The following RREB1 variants were observed in gnomAD, a reference collection of about 807,000 sequenced individuals.
RREB1 encodes the protein ras responsive element binding protein 1.
RREB1 carries 27 observed loss-of-function variants against 117.8 expected under a neutral mutation model. The ratio of observed to expected loss-of-function variants is 0.23; its 90% CI spans 0.17 to 0.32. The LOEUF is 0.32. Among genes scored for constraint, RREB1 ranks in the 10% least tolerant of loss-of-function variants. RREB1 has a pLI of 1.00. For synonymous variants in RREB1, 1,298 were observed against 1,026.7 expected, an observed-to-expected ratio of 1.26 and a Z score of -5.05; for missense variants, 2,577 against 2,378.2, an observed-to-expected ratio of 1.08 and a Z score of -1.74.
At chr6:7,142,213 C>T (rs1466561834) in intron 1 of RREB1, among the ~76,000 whole-genome samples, 1 of 139,704 alleles carries the variant, frequency 7.2e-6, no homozygotes, top group Non-Finnish European at 1.5e-5. Flanking sequence ...GAAACTCCGT[C>T]TTAATTTAAA....
At chr6:7,242,281 C>T (rs1000197276) in intron 11 of RREB1, among the ~76,000 whole-genome samples, 4 of 152,140 alleles carry the variant, frequency 2.6e-5, no homozygotes, top group Admixed American at 1.3e-4. Context: ...AAAGCTGAGT[C>T]GGAATTTGTG....
chr6:7,151,477 G>A (rs1763119922), intron 1 of RREB1, among the ~76,000 whole-genome samples: 1 of 152,192 alleles, frequency 6.6e-6, no homozygotes, highest in Non-Finnish European at 1.5e-5. Flanking sequence ...TGGAGTCCAC[G>A]CAGAACAGGG....
chr6:7,217,924 CT>C (rs1767002963), intron 8 of RREB1: 2 of 152,144 alleles, frequency 1.3e-5, no homozygotes, highest in Admixed American at 1.3e-4. Context: ...GTCCTTTACT[CT>C]TATAAACAGC....
rs567423250 is a variant in RREB1, at chr6:7,246,866, C to T, written c.4416C>T (p.Arg1472=). The change falls in exon 12 of 13, where the codon CGC becomes CGT. Residue 1472 remains arginine, a synonymous_variant. Transcript: ENST00000379938. ...TLSRHRKAHG[R]QEPKDEKGDG... Reference sequence around the variant, plus strand: ...GCCGCCACCGGAAGGCGCACGGCCGCCAGGAGCCCAAGGACGAGAAGGGAG... The same window carrying T: ...GCCGCCACCGGAAGGCGCACGGCCGTCAGGAGCCCAAGGACGAGAAGGGAG... The T allele has an allele frequency of 3.2e-6, 5 of 1,552,808 alleles. No individual in the cohort carries two copies. In the Admixed American group the frequency reaches 7.8e-5, roughly 24 times the overall value.
At chr6:7,190,088 G>A (rs1233055251) in intron 6 of RREB1, among the ~76,000 whole-genome samples, 1 of 152,122 alleles carries the variant, frequency 6.6e-6, no homozygotes, top group African/African-American at 2.4e-5. Context: ...AGTTATATTT[G>A]GTTATATAAA....
chr6:7,249,089 GAGAGAGAGAGAGAGAC>G lies in RREB1; in HGVS notation c.*123_*138del. ...AGAGAGAGAGAGAGAGAGAGAGAGA[GAGAGAGAGAGAGAGAC>G]AAGCAGGAGCGTGGCTGCTCGCTCA... On this transcript the variant is annotated 3_prime_UTR_variant, in exon 13 of 13. Coordinates refer to ENST00000379938, the MANE Select transcript of RREB1 (RefSeq NM_001003699.4). The G allele has an allele frequency of 1.3e-6, 1 of 788,388 alleles. No individual in the cohort carries two copies. Among genetic ancestry groups the G allele is most frequent in the Non-Finnish European group, 1.9e-6 (1 of 517,998 alleles). 48.8% of individuals were successfully genotyped at this position (788,388 alleles called of 1,614,324 possible).
chr6:7,205,460 C>T (rs1007296797), intron 6 of RREB1, among the ~76,000 whole-genome samples: 13 of 152,234 alleles, frequency 8.5e-5, no homozygotes, highest in Non-Finnish European at 1.6e-4. Context: ...AAATGTGTCA[C>T]TGCTCAGAGA....
At chr6:7,173,504 G>GAAA (rs796789297) in intron 1 of RREB1, among the ~76,000 whole-genome samples, 1 of 120,254 alleles carries the variant, frequency 8.3e-6, no homozygotes. Context: ...AAAACATGAA[G>GAAA]AAAAAAAAAA....
At chr6:7,141,299 C>T (rs1762575965) in intron 1 of RREB1, among the ~76,000 whole-genome samples, 1 of 152,212 alleles carries the variant, frequency 6.6e-6, no homozygotes, top group African/African-American at 2.4e-5. Context: ...CCGCGTCTTC[C>T]AGCGGATCTT....
At chr6:7,208,072 C>A (rs1399372294) in intron 6 of RREB1, among the ~76,000 whole-genome samples, 1 of 152,186 alleles carries the variant, frequency 6.6e-6, no homozygotes, top group Non-Finnish European at 1.5e-5. Context: ...TCATGGGCTC[C>A]TTGTCATTTA....
At chr6:7,187,968 C>T (rs1412201700) in intron 5 of RREB1, among the ~76,000 whole-genome samples, 1 of 151,936 alleles carries the variant, frequency 6.6e-6, no homozygotes. Context: ...CCAGCCTGGC[C>T]AACATGGTCC....
At chr6:7,132,175 C>T (rs1762183167) in intron 1 of RREB1, among the ~76,000 whole-genome samples, 1 of 152,162 alleles carries the variant, frequency 6.6e-6, no homozygotes, top group African/African-American at 2.4e-5. Context: ...CTGCCTTAGC[C>T]TCCGAAGTAG....
chr6:7,185,724 C>A (rs74820507), intron 4 of RREB1, among the ~76,000 whole-genome samples: 1 of 152,120 alleles, frequency 6.6e-6, no homozygotes, highest in Non-Finnish European at 1.5e-5. Flanking sequence ...TTCAGGGTGA[C>A]TTTTATTTTC....
intron 6 of RREB1, among the ~76,000 whole-genome samples, chr6:7,192,626 A>C (rs887588817): frequency 6.6e-6 from 1 of 152,158 alleles, no homozygotes; most frequent in African/African-American, 2.4e-5. Flanking sequence ...TTTATTCTGT[A>C]GTTAGTAATA....
chr6:7,186,152 G>C (rs1348020808), intron 4 of RREB1, among the ~76,000 whole-genome samples: 1 of 152,238 alleles, frequency 6.6e-6, no homozygotes, highest in African/African-American at 2.4e-5. Flanking sequence ...TCCAGCCCTA[G>C]GGACGGTGCC....
intron 4 of RREB1, among the ~76,000 whole-genome samples, chr6:7,184,268 A>AT (rs1276876600): frequency 7.3e-5 from 11 of 149,996 alleles, no homozygotes; most frequent in African/African-American, 2.0e-4. Flanking sequence ...TCATTTTATT[A>AT]TTATTATTTT....
At chr6:7,148,354 A>C (rs1262863426) in intron 1 of RREB1, among the ~76,000 whole-genome samples, 1 of 152,190 alleles carries the variant, frequency 6.6e-6, no homozygotes, top group Non-Finnish European at 1.5e-5. Context: ...AAAAGATGTT[A>C]GGGGATGAGA....
intron 1 of RREB1, among the ~76,000 whole-genome samples, chr6:7,133,906 A>G (rs1177494913): frequency 6.6e-6 from 1 of 152,222 alleles, no homozygotes; most frequent in Non-Finnish European, 1.5e-5. Flanking sequence ...ATTGTGGACA[A>G]TAAAACCCAT....
At position 7,213,253 on chromosome 6, in the gene RREB1, C is replaced by T. The variant is rs1223695615; in HGVS notation, c.707+1544C>T. 3 of 152,196 alleles carry T rather than the reference C, an allele frequency of 2.0e-5. No individual in the cohort carries two copies. In the East Asian group the frequency reaches 5.8e-4, roughly 29 times the overall value. 9.4% of individuals were successfully genotyped at this position (152,196 alleles called of 1,614,324 possible). A position where few individuals can be genotyped will look rare whatever the true frequency, so the allele number is the denominator to read the frequency against. Reference sequence around the variant, plus strand: ...AATCTTGGCTCACTGCAACCTCTGCCTCCTGGGTTCAAGTGATTCTCCTGC... The same window carrying T: ...AATCTTGGCTCACTGCAACCTCTGCTTCCTGGGTTCAAGTGATTCTCCTGC... On this transcript the variant is annotated intron_variant, in intron 8 of 12. Transcript: ENST00000379938.
Sources: gnomAD v4.1 joint callset for allele counts (sites outside exome capture counted in the v4.1 genomes callset) on GRCh38, gnomAD v4.1.1 for gene constraint, MANE v1.5 for transcripts, NCBI Gene and HGNC (gene_info 2026-07-23, HGNC 2026-07-21) for gene names.